ANO1: variants seen among roughly 807,000 people sequenced by gnomAD.
ANO1 encodes anoctamin-1.
ANO1 carries 59 observed loss-of-function variants against 124.0 expected under a neutral mutation model. The observed-to-expected ratio is 0.48, with a 90% CI of 0.39 to 0.59. The LOEUF is 0.59. Ranked by LOEUF, ANO1 falls within the 20% of genes least tolerant of loss-of-function variation. The pLI, the probability that ANO1 is intolerant of heterozygous loss-of-function variation, is 0.00. For missense variants in ANO1, 1,059 were observed against 1,328.0 expected (o/e 0.80, Z 3.15); for synonymous variants, 529 against 532.0 (o/e 0.99, Z 0.08).
At chr11:69,988,508 T>C (rs1301155102) in intron 1 of ANO1, among the ~76,000 whole-genome samples, 3 of 152,236 alleles carry the variant, frequency 2.0e-5, no homozygotes, top group Non-Finnish European at 4.4e-5. Flanking sequence ...TTGTCATCAA[T>C]GTCATCACTG....
intron 2 of ANO1, among the ~76,000 whole-genome samples, chr11:70,097,644 G>A (rs879508276): frequency 6.6e-6 from 1 of 152,180 alleles, no homozygotes; most frequent in African/African-American, 2.4e-5. Context: ...GGCCTTCCCT[G>A]CCCCCTCGTC....
intron 22 of ANO1, among the ~76,000 whole-genome samples, chr11:70,176,776 C>G (rs981199325): frequency 6.6e-6 from 1 of 152,186 alleles, no homozygotes; most frequent in Non-Finnish European, 1.5e-5. Context: ...GAACCCCATT[C>G]AAATGGTTCG....
intron 1 of ANO1, among the ~76,000 whole-genome samples, chr11:70,035,613 G>C (rs1023594069): frequency 6.6e-6 from 1 of 151,688 alleles, no homozygotes; most frequent in African/African-American, 2.4e-5. Context: ...GTGGTTTGCT[G>C]CACCCATCAA....
intron 1 of ANO1, among the ~76,000 whole-genome samples, chr11:70,067,030 A>T (rs1857744703): frequency 6.6e-6 from 1 of 152,124 alleles, no homozygotes; most frequent in Non-Finnish European, 1.5e-5. Context: ...TTCCTAACTC[A>T]TGTGACCAAA....
chr11:70,167,216 T>G lies in ANO1; in HGVS notation c.2052-26T>G, dbSNP rs772634670. 9 of 1,612,834 alleles carry G rather than the reference T, an allele frequency of 5.6e-6. No individual in the cohort carries two copies. The South Asian group carries it at 9.9e-5, about 18-fold the overall frequency. On this transcript the variant is annotated intron_variant, in intron 20 of 25. Coordinates refer to ENST00000355303, the MANE Select transcript of ANO1 (RefSeq NM_018043.7). Reference sequence around the variant, plus strand: ...CCCCAAATTCACCCTCCTGCAAACCTAACTGCATGATGTCTCATCTCTCAG... The same window carrying G: ...CCCCAAATTCACCCTCCTGCAAACCGAACTGCATGATGTCTCATCTCTCAG...
At chr11:70,131,297 A>G (rs551765784) in intron 10 of ANO1, among the ~76,000 whole-genome samples, 17 of 150,828 alleles carry the variant, frequency 1.1e-4, no homozygotes, top group African/African-American at 3.4e-4. Flanking sequence ...TTTAGTTCAA[A>G]AATCAATGTG....
At chr11:70,062,658 G>A (rs1225157174) in intron 1 of ANO1, among the ~76,000 whole-genome samples, 1 of 152,160 alleles carries the variant, frequency 6.6e-6, no homozygotes, top group African/African-American at 2.4e-5. Flanking sequence ...AGGGGGTTCT[G>A]GCATCACCGT....
rs556409429 is a variant in ANO1, at chr11:70,176,762, C to T, written c.2351-3242C>T. On this transcript the variant is annotated intron_variant, in intron 22 of 25. Transcript: ENST00000355303. ...TAATTTGGGGGTGCCCTGGCCGAGA[C>T]GATGAACCCCATTCAAATGGTTCGG... is the stretch of plus-strand genomic sequence containing the variant. 7.9e-4 allele frequency among the ~76,000 whole-genome samples: 120 copies of T among 152,228 alleles called. 1 individual carries two copies. In the South Asian group the frequency reaches 0.024, roughly 31 times the overall value.
chr11:69,995,093 G>GT (rs1278482378), intron 1 of ANO1, among the ~76,000 whole-genome samples: 2,116 of 21,490 alleles, frequency 0.098, 119 homozygotes, highest in East Asian at 0.22. Context: ...TGCTGGCACT[G>GT]TTTTTTTTTT....
Position 70,157,366 on chromosome 11 carries a change from C to A in ANO1, c.1578+345C>A, listed in dbSNP as rs1436088120. ...TGGGTGACAGAGCAAGACTCTGTCT[C>A]AAAAAAAAAAAAAAAAAAGGATGCG... On this transcript the variant is annotated intron_variant, in intron 16 of 25. Transcript: ENST00000355303. Among the ~76,000 whole-genome samples, 768 of 97,564 alleles carry A rather than the reference C, an allele frequency of 7.9e-3. 1 individual carries two copies. The highest frequency in any genetic ancestry group is 0.013 in the African/African-American group (305 of 23,826). The allele number at this position is 97,564 out of a possible 152,430, so 64.0% of individuals were successfully genotyped here. A position where few individuals can be genotyped will look rare whatever the true frequency, so the allele number is the denominator to read the frequency against.
chr11:70,142,987 T>G (rs1380740095), intron 11 of ANO1, among the ~76,000 whole-genome samples: 2 of 152,060 alleles, frequency 1.3e-5, no homozygotes, highest in African/African-American at 2.4e-5. Flanking sequence ...GGCTTCCATG[T>G]GAATTTGAGA....
At chr11:70,156,455 A>G (rs2047821094) in intron 15 of ANO1, among the ~76,000 whole-genome samples, 1 of 152,218 alleles carries the variant, frequency 6.6e-6, no homozygotes, top group Non-Finnish European at 1.5e-5. Context: ...GAGAGCCTTC[A>G]GGACATGTGT....
chr11:70,115,043 G>C (rs1294063738), intron 7 of ANO1, among the ~76,000 whole-genome samples: 1 of 152,166 alleles, frequency 6.6e-6, no homozygotes, highest in African/African-American at 2.4e-5. Context: ...GGATCGCGTG[G>C]CTGTCTCATC....
intron 10 of ANO1, among the ~76,000 whole-genome samples, chr11:70,128,437 A>G (rs370605255): frequency 2.7e-4 from 41 of 152,330 alleles, no homozygotes; most frequent in African/African-American, 9.1e-4. Flanking sequence ...GGGGACCTCC[A>G]TCTTCCTTCC....
intron 1 of ANO1, among the ~76,000 whole-genome samples, chr11:70,002,197 T>C (rs1284533172): frequency 6.6e-6 from 1 of 152,004 alleles, no homozygotes; most frequent in Non-Finnish European, 1.5e-5. Flanking sequence ...ACACCTATAA[T>C]CCCAGCACTT....
At chr11:70,132,823 G>A (rs187939293) in intron 11 of ANO1, among the ~76,000 whole-genome samples, 5 of 152,350 alleles carry the variant, frequency 3.3e-5, no homozygotes, top group Admixed American at 3.3e-4. Flanking sequence ...CCCACAGTGG[G>A]CAGCCTGTGC....
intron 8 of ANO1, among the ~76,000 whole-genome samples, chr11:70,118,760 G>A (rs1047111478): frequency 6.6e-6 from 1 of 151,684 alleles, no homozygotes; most frequent in African/African-American, 2.4e-5. Context: ...CAGATGGATG[G>A]TTGATGGATG....
intron 1 of ANO1, among the ~76,000 whole-genome samples, chr11:69,988,177 G>A (rs912876171): frequency 5.3e-5 from 8 of 152,272 alleles, no homozygotes; most frequent in East Asian, 1.9e-4. Context: ...CAGTGGCTTC[G>A]CCCGTAAATA....
intron 22 of ANO1, among the ~76,000 whole-genome samples, chr11:70,177,601 T>TC (rs1335139186): frequency 2.2e-4 from 29 of 133,110 alleles, no homozygotes; most frequent in African/African-American, 4.7e-4. Flanking sequence ...TTTCTTTTTT[T>TC]TTTTTTTTTT....
Sources: allele counts gnomAD v4.1 joint callset (sites outside exome capture counted in the v4.1 genomes callset), GRCh38; gene constraint gnomAD v4.1.1; transcripts MANE v1.5; gene names NCBI Gene and HGNC (gene_info 2026-07-23, HGNC 2026-07-21).